The following RIC8B variants were observed in gnomAD, a reference collection of about 807,000 sequenced individuals.
RIC8B encodes the protein RIC8 guanine nucleotide exchange factor B, also known as chaperone Ric-8B.
RIC8B carries 16 observed loss-of-function variants against 57.5 expected under a neutral mutation model. The ratio of observed to expected loss-of-function variants is 0.28; its 90% CI spans 0.19 to 0.42. The LOEUF is 0.42. Among genes scored for constraint, RIC8B ranks in the 10% least tolerant of loss-of-function variants. The pLI, the probability that RIC8B is intolerant of heterozygous loss-of-function variation, is 1.00. For synonymous variants in RIC8B, 216 were observed against 250.8 expected (o/e 0.86, Z 1.31); for missense variants, 481 against 677.0 (o/e 0.71, Z 3.21).
chr12:106,790,754 C>T (rs1169697990), intron 2 of RIC8B, among the ~76,000 whole-genome samples: 1 of 152,198 alleles, frequency 6.6e-6, no homozygotes, highest in Non-Finnish European at 1.5e-5. Context: ...AGCTCTTTCA[C>T]ATATAAGAAT....
chr12:106,819,737 A>G (rs1380622007), intron 3 of RIC8B, among the ~76,000 whole-genome samples: 3 of 112,194 alleles, frequency 2.7e-5, no homozygotes, highest in South Asian at 3.0e-4. Flanking sequence ...GCGTCTCAGG[A>G]AAAAAAAAAA....
intron 9 of RIC8B, chr12:106,874,645 A>G: frequency 9.2e-7 from 1 of 1,083,082 alleles, no homozygotes; most frequent in South Asian, 1.5e-5. Context: ...TAAAACCACC[A>G]ATGTAAAAGT....
chr12:106,857,468 T>G (rs1245532998), intron 7 of RIC8B, among the ~76,000 whole-genome samples: 2 of 152,190 alleles, frequency 1.3e-5, no homozygotes, highest in Non-Finnish European at 2.9e-5. Context: ...TGCACAGTGC[T>G]GCTGTGGTTG....
At chr12:106,828,792 T>A (rs1366983568) in intron 4 of RIC8B, among the ~76,000 whole-genome samples, 1 of 152,252 alleles carries the variant, frequency 6.6e-6, no homozygotes, top group South Asian at 2.1e-4. Context: ...AATCTTTTTT[T>A]AAAAGTTGTT....
chr12:106,821,817 G>A (rs2045855949), intron 3 of RIC8B, among the ~76,000 whole-genome samples: 1 of 151,690 alleles, frequency 6.6e-6, no homozygotes, highest in African/African-American at 2.4e-5. Flanking sequence ...GGTGGCTCAC[G>A]CCTGTAATCC....
rs1177607586 is a variant in RIC8B at position 106,806,656 on chromosome 12, C to G, written c.133-8040C>G. ...ACCAGCCTGACCAACCTGGTGAAAC[C>G]CCGTCTCTACTAAAAATACAAAAAT... On this transcript the variant is annotated intron_variant, in intron 2 of 9. Coordinates refer to ENST00000392837, the MANE Select transcript of RIC8B (RefSeq NM_001330145.2). Among the ~76,000 whole-genome samples, 8 of 152,062 alleles carry G rather than the reference C, an allele frequency of 5.3e-5. No homozygotes were observed. The East Asian group carries it at 1.6e-3, about 30-fold the overall frequency.
At position 106,887,518 on chromosome 12, in the gene RIC8B, A is replaced by C. The variant is rs932815059; in HGVS notation, c.*1503A>C. ...AAAGGCCTTTCAGCTGCCAGAGGAG[A>C]TGTCACAAAGTTTCTTGCAACTTAC... On this transcript the variant is annotated 3_prime_UTR_variant, in exon 10 of 10. Coordinates refer to ENST00000392837, the MANE Select transcript of RIC8B (RefSeq NM_001330145.2). 1 of 152,180 alleles carries C rather than the reference A, an allele frequency of 6.6e-6. No individual in the cohort carries two copies. The highest frequency in any genetic ancestry group is 2.4e-5 in the African/African-American group (1 of 41,454). The allele number at this position is 152,180 out of a possible 1,614,324, so 9.4% of individuals were successfully genotyped here. A position where few individuals can be genotyped will look rare whatever the true frequency, so the allele number is the denominator to read the frequency against.
intron 1 of RIC8B, among the ~76,000 whole-genome samples, chr12:106,779,810 A>G (rs934162912): frequency 6.6e-6 from 1 of 150,506 alleles, no homozygotes; most frequent in African/African-American, 2.4e-5. Flanking sequence ...AATTTGGGGA[A>G]TTATGTATCA....
At chr12:106,874,848 A>G (rs1456633158) in intron 9 of RIC8B, among the ~76,000 whole-genome samples, 3 of 151,808 alleles carry the variant, frequency 2.0e-5, no homozygotes, top group South Asian at 2.1e-4. Flanking sequence ...TATAAGGATT[A>G]TATTTGTGAT....
chr12:106,874,655 T>C, intron 9 of RIC8B: 2 of 1,010,260 alleles, frequency 2.0e-6, no homozygotes, highest in Non-Finnish European at 3.0e-6. Flanking sequence ...AATGTAAAAG[T>C]TAAAATTACA....
At chr12:106,806,684 G>T (rs1442359447) in intron 2 of RIC8B, among the ~76,000 whole-genome samples, 1 of 152,048 alleles carries the variant, frequency 6.6e-6, no homozygotes, top group African/African-American at 2.4e-5. Context: ...ACAAAAATTA[G>T]CTGGGCCTGG....
intron 2 of RIC8B, among the ~76,000 whole-genome samples, chr12:106,794,700 TAA>T (rs1379565980): frequency 6.6e-6 from 1 of 152,138 alleles, no homozygotes; most frequent in African/African-American, 2.4e-5. Context: ...GCAAGGGAGA[TAA>T]AGACATTTTC....
At chr12:106,799,805 A>G (rs1304203717) in intron 2 of RIC8B, among the ~76,000 whole-genome samples, 3 of 152,096 alleles carry the variant, frequency 2.0e-5, no homozygotes, top group Non-Finnish European at 4.4e-5. Flanking sequence ...CTAAAATCAC[A>G]CAGCTATCTC....
chr12:106,839,189 TCA>T (rs2046757126), intron 4 of RIC8B, among the ~76,000 whole-genome samples: 1 of 152,194 alleles, frequency 6.6e-6, no homozygotes, highest in Admixed American at 6.5e-5. Flanking sequence ...GGAAATAAAA[TCA>T]CTGTTTCACA....
intron 2 of RIC8B, among the ~76,000 whole-genome samples, chr12:106,786,841 C>G (rs1333163990): frequency 6.6e-6 from 1 of 151,652 alleles, no homozygotes; most frequent in African/African-American, 2.4e-5. Context: ...TTGACAAACT[C>G]ATGATAAGTA....
At chr12:106,851,132 A>G (rs1247090404) in intron 6 of RIC8B, among the ~76,000 whole-genome samples, 1 of 152,104 alleles carries the variant, frequency 6.6e-6, no homozygotes, top group African/African-American at 2.4e-5. Context: ...AAACTTCAAA[A>G]TGGATTTTCA....
At chr12:106,780,487 A>T (rs2043715805) in intron 1 of RIC8B, among the ~76,000 whole-genome samples, 1 of 152,188 alleles carries the variant, frequency 6.6e-6, no homozygotes, top group African/African-American at 2.4e-5. Flanking sequence ...TAGCCTCTAC[A>T]TTTGAATAGA....
At chr12:106,834,983 CAAAAAAAAA>C (rs71072695) in intron 4 of RIC8B, among the ~76,000 whole-genome samples, 12 of 31,314 alleles carry the variant, frequency 3.8e-4, no homozygotes, top group South Asian at 1.4e-3. Flanking sequence ...GACTCTGTCT[CAAAAAAAAA>C]AAAAAAAAAA....
At chr12:106,789,261 A>AT (rs1287179121) in intron 2 of RIC8B, among the ~76,000 whole-genome samples, 1 of 152,168 alleles carries the variant, frequency 6.6e-6, no homozygotes, top group Non-Finnish European at 1.5e-5. Context: ...CATTTTTGTC[A>AT]AAGCCATTCA....
Sources: gnomAD v4.1 joint callset for allele counts (sites outside exome capture counted in the v4.1 genomes callset) on GRCh38, gnomAD v4.1.1 for gene constraint, MANE v1.5 for transcripts, NCBI Gene and HGNC (gene_info 2026-07-23, HGNC 2026-07-21) for gene names.